NGEF: variants seen among roughly 807,000 people sequenced by gnomAD.
NGEF encodes neuronal guanine nucleotide exchange factor, also known as ephexin-1.
In NGEF, 31 loss-of-function variants were observed where a neutral mutation model predicts 80.9. That is an observed-to-expected ratio of 0.38 (90% CI 0.29 to 0.52). The LOEUF (loss-of-function observed/expected upper bound fraction) is 0.52, where lower values mean the gene tolerates loss of function less well. NGEF is among the 20% of genes least tolerant of loss of function. The pLI, the probability that NGEF is intolerant of heterozygous loss-of-function variation, is 0.84. For synonymous variants in NGEF, 371 were observed against 370.2 expected (o/e 1.00, Z -0.03); for missense variants, 709 against 926.2 (o/e 0.77, Z 3.04).
intron 1 of NGEF, among the ~76,000 whole-genome samples, chr2:233,002,193 C>T (rs1381890864): frequency 6.6e-6 from 1 of 151,982 alleles, no homozygotes; most frequent in East Asian, 1.9e-4. Flanking sequence ...TTAGGAGGGA[C>T]ACGAGTCAAA....
chr2:232,879,430 C>T lies in NGEF; in HGVS notation c.*59G>A. 2 of 1,465,668 alleles carry T rather than the reference C, an allele frequency of 1.4e-6. No individual in the cohort carries two copies. Among genetic ancestry groups the T allele is most frequent in the South Asian group, 1.3e-5 (1 of 75,468 alleles). The allele number at this position is 1,465,668 out of a possible 1,614,324, so 90.8% of individuals were successfully genotyped here. On this transcript the variant is annotated 3_prime_UTR_variant, in exon 15 of 15. Transcript: ENST00000264051. ...CCTGTGCTTCCCAGAGCCCCCCCCC[C>T]CCCACCTTCTGTCGGGGTCTCATGC... is the stretch of plus-strand genomic sequence containing the variant.
intron 13 of NGEF, among the ~76,000 whole-genome samples, 153 bp from the exon 14 acceptor site, chr2:232,881,403 A>G (rs1691501659): frequency 6.6e-6 from 1 of 152,222 alleles, no homozygotes; most frequent in Admixed American, 6.5e-5. Context: ...TTGTTTCCAT[A>G]GAAAACGTTA....
intron 1 of NGEF, among the ~76,000 whole-genome samples, chr2:232,995,827 GTGTATA>G (rs1390109687): frequency 2.0e-5 from 3 of 147,368 alleles, no homozygotes; most frequent in East Asian, 4.0e-4. Context: ...CATGCATATT[GTGTATA>G]TGTATATGTA....
intron 4 of NGEF, among the ~76,000 whole-genome samples, chr2:232,924,841 C>T (rs1693026528): frequency 6.6e-6 from 1 of 152,186 alleles, no homozygotes; most frequent in Non-Finnish European, 1.5e-5. Flanking sequence ...AAACTTCATA[C>T]TTTTTTCTGG....
At chr2:232,959,577 ACC>A (rs1287816146) in intron 3 of NGEF, among the ~76,000 whole-genome samples, 1 of 104,404 alleles carries the variant, frequency 9.6e-6, no homozygotes, top group Non-Finnish European at 2.0e-5. Context: ...CACAGCAATG[ACC>A]TTTTTTTTTT....
chr2:232,938,781 T>C (rs899129789), intron 3 of NGEF, among the ~76,000 whole-genome samples: 11 of 150,252 alleles, frequency 7.3e-5, no homozygotes, highest in African/African-American at 2.7e-4. Flanking sequence ...AGTAATTTCC[T>C]GGATATGCTG....
intron 1 of NGEF, among the ~76,000 whole-genome samples, chr2:233,005,994 T>TTTTGTAGAGACGGGGTTTTGTAGTG (rs1695076520): frequency 6.6e-6 from 1 of 152,186 alleles, no homozygotes; most frequent in Admixed American, 6.6e-5. Context: ...TTTTTGTATT[T>TTTTGTAGAGACGGGGTTTTGTAGTG]TTTGTAGAGA....
At chr2:232,958,043 G>A (rs1693866317) in intron 3 of NGEF, among the ~76,000 whole-genome samples, 1 of 152,198 alleles carries the variant, frequency 6.6e-6, no homozygotes. Flanking sequence ...TTCAGTCACC[G>A]TGTCCAAGTA....
At chr2:232,938,109 T>C (rs1355201106) in intron 3 of NGEF, among the ~76,000 whole-genome samples, 1 of 152,194 alleles carries the variant, frequency 6.6e-6, no homozygotes, top group Non-Finnish European at 1.5e-5. Context: ...GGGAAGCAGA[T>C]CCATCATCTC....
intron 8 of NGEF, among the ~76,000 whole-genome samples, chr2:232,890,777 A>T (rs1691856904): frequency 6.6e-6 from 1 of 151,882 alleles, no homozygotes; most frequent in African/African-American, 2.4e-5. Flanking sequence ...TGGAGCAGCC[A>T]GGGCCAGCTC....
chr2:232,916,133 A>G (rs566978554), intron 5 of NGEF, among the ~76,000 whole-genome samples: 2 of 152,242 alleles, frequency 1.3e-5, no homozygotes, highest in Non-Finnish European at 2.9e-5. Flanking sequence ...GTACTGAAAG[A>G]TTTGCTATCA....
chr2:232,963,183 G>A (rs1274948763), intron 3 of NGEF, among the ~76,000 whole-genome samples: 1 of 151,986 alleles, frequency 6.6e-6, no homozygotes. Context: ...CACTATGGTA[G>A]TGGCATAAAG....
intron 1 of NGEF, 117 bp from the exon 2 acceptor site, chr2:232,975,081 G>T (rs960104270): frequency 3.4e-6 from 2 of 586,564 alleles, no homozygotes; most frequent in African/African-American, 1.9e-5. Context: ...TGCACATCCT[G>T]GTATCCACGT....
intron 3 of NGEF, among the ~76,000 whole-genome samples, chr2:232,944,649 G>T (rs1693512866): frequency 6.8e-6 from 1 of 147,874 alleles, no homozygotes; most frequent in South Asian, 2.1e-4. Context: ...TTTCCAAAAA[G>T]AAATAAGGAA....
rs1691381045 is a variant in NGEF, at chr2:232,878,825, C to A, written c.*664G>T. ...TAAAACACCTGGGCTCCTTAAGGGGCTAGAAGACACAAGTTACATCCAGCC... is the reference window on the plus strand; with the variant it reads ...TAAAACACCTGGGCTCCTTAAGGGGATAGAAGACACAAGTTACATCCAGCC... On this transcript the variant is annotated 3_prime_UTR_variant, in exon 15 of 15. Transcript: ENST00000264051. 6.6e-6 allele frequency: 1 copy of A among 152,632 alleles called. No homozygotes were observed. Among genetic ancestry groups the A allele is most frequent in the Admixed American group, 6.5e-5 (1 of 15,282 alleles). The allele number at this position is 152,632 out of a possible 1,614,324, so 9.5% of individuals were successfully genotyped here.
intron 3 of NGEF, among the ~76,000 whole-genome samples, chr2:232,950,508 G>A (rs1191545734): frequency 1.4e-5 from 2 of 144,976 alleles, no homozygotes; most frequent in South Asian, 2.2e-4. Flanking sequence ...TTGACTCTCC[G>A]TCACTCTCAC....
chr2:232,921,691 G>T (rs1225790749), intron 4 of NGEF, among the ~76,000 whole-genome samples: 1 of 150,644 alleles, frequency 6.6e-6, no homozygotes, highest in Non-Finnish European at 1.5e-5. Flanking sequence ...TGAATTCCTG[G>T]CCTCAAGCCT....
chr2:232,992,989 GTA>G (rs142264252), intron 1 of NGEF, among the ~76,000 whole-genome samples: 9 of 121,270 alleles, frequency 7.4e-5, no homozygotes, highest in Admixed American at 1.8e-4. Flanking sequence ...CCTGCCTGAA[GTA>G]TATATATATA....
intron 3 of NGEF, among the ~76,000 whole-genome samples, chr2:232,932,447 G>A (rs371065435): frequency 2.0e-5 from 3 of 152,182 alleles, no homozygotes; most frequent in South Asian, 2.1e-4. Context: ...TTACAGGCAC[G>A]AGTCACCAGG....
Sources: allele counts gnomAD v4.1 joint callset (sites outside exome capture counted in the v4.1 genomes callset), GRCh38; gene constraint gnomAD v4.1.1; transcripts MANE v1.5; gene names NCBI Gene and HGNC (gene_info 2026-07-23, HGNC 2026-07-21).